The following NWD1 variants were observed in gnomAD, a reference collection of about 807,000 sequenced individuals.
NWD1 encodes NACHT and WD repeat domain containing 1, also known as NACHT domain- and WD repeat-containing protein 1.
In NWD1, 129 loss-of-function variants were observed where a neutral mutation model predicts 135.1. That is an observed-to-expected ratio of 0.96 (90% CI 0.83 to 1.11). The LOEUF is 1.11. Ranked by LOEUF, NWD1 falls within the 50% of genes least tolerant of loss-of-function variation. The pLI is 0.00. For synonymous variants in NWD1, 773 were observed against 786.0 expected (o/e 0.98, Z 0.28); for missense variants, 1,740 against 1,851.3 (o/e 0.94, Z 1.10).
rs1264725619 is a variant in NWD1 at position 16,776,525 on chromosome 19, T to C, written c.2609-2818T>C. Among the ~76,000 whole-genome samples, 2 of 149,950 alleles carry C rather than the reference T, an allele frequency of 1.3e-5. 1 individual carries two copies. The highest frequency in any genetic ancestry group is 3.0e-5 in the Non-Finnish European group (2 of 67,726). On this transcript the variant is annotated intron_variant, in intron 11 of 18. Coordinates refer to ENST00000524140, the MANE Select transcript of NWD1 (RefSeq NM_001007525.5). The stretch of plus-strand genomic sequence containing the variant: ...GGAGGTTGCAGTGAGCGGAGATCGT[T>C]CCACTGCACTCCAGCCTGGGCGAAA...
chr19:16,781,889 G>A (rs868632264), intron 12 of NWD1, among the ~76,000 whole-genome samples: 5 of 151,734 alleles, frequency 3.3e-5, no homozygotes, highest in African/African-American at 9.7e-5. Context: ...TCAGGAGATC[G>A]AGACCATCCT....
At chr19:16,785,156 A>G (rs955621873) in intron 12 of NWD1, among the ~76,000 whole-genome samples, 3 of 152,054 alleles carry the variant, frequency 2.0e-5, no homozygotes, top group South Asian at 2.1e-4. Flanking sequence ...GGAACTAGAT[A>G]GAGTGATGGT....
chr19:16,757,742 C>G (rs1219088043), intron 6 of NWD1, among the ~76,000 whole-genome samples: 7 of 152,142 alleles, frequency 4.6e-5, no homozygotes, highest in African/African-American at 1.4e-4. Flanking sequence ...CTCCTAGGCT[C>G]TGTCTGATAC....
Position 16,789,188 on chromosome 19 carries a change from A to G in NWD1, c.2938A>G (p.Lys980Glu), listed in dbSNP as rs1470150365. 2 of 1,611,728 alleles carry G rather than the reference A, an allele frequency of 1.2e-6. No individual in the cohort carries two copies. The highest frequency in any genetic ancestry group is 2.7e-5 in the African/African-American group (2 of 74,858). Residue 980 changes from lysine (K) to glutamate (E), a missense_variant and splice_region_variant, in exon 13 of 19, where the codon AAG becomes GAG. Physicochemically the swap from Lys to Glu is moderately conservative, Grantham distance 56. Coordinates refer to ENST00000524140, the MANE Select transcript of NWD1 (RefSeq NM_001007525.5). ...HKVVYSASGS[K>E]INAWNLETAE... ...AGTTGTGTATTCAGCATCTGGCTCA[A>G]AGGTAACAAACATATGCCCTGTTTG...
chr19:16,816,153 C>G lies in NWD1; in HGVS notation c.*1114C>G, dbSNP rs1310271936. On this transcript the variant is annotated 3_prime_UTR_variant, in exon 19 of 19. Transcript: ENST00000524140. ...CACCTGGGTGAGCAGCAGGGAGAGA[C>G]AGAGACTGGACATGTGGAAGGCAGA... 6.6e-6 allele frequency: 1 copy of G among 152,180 alleles called. No individual in the cohort carries two copies. Among genetic ancestry groups the G allele is most frequent in the Non-Finnish European group, 1.5e-5 (1 of 68,084 alleles). 9.4% of individuals were successfully genotyped at this position (152,180 alleles called of 1,614,324 possible).
intron 2 of NWD1, among the ~76,000 whole-genome samples, chr19:16,726,979 G>A (rs1246888446): frequency 6.6e-6 from 1 of 151,918 alleles, no homozygotes; most frequent in Non-Finnish European, 1.5e-5. Flanking sequence ...GTGCCTGGAC[G>A]TGGAAGGACT....
intron 4 of NWD1, among the ~76,000 whole-genome samples, chr19:16,742,706 T>C (rs1402192257): frequency 6.6e-6 from 1 of 151,930 alleles, no homozygotes; most frequent in African/African-American, 2.4e-5. Context: ...GTTTCGCTCT[T>C]GTTGCCCAGG....
At chr19:16,768,721 AAG>A in intron 10 of NWD1, among the ~76,000 whole-genome samples, 1 of 152,350 alleles carries the variant, frequency 6.6e-6, no homozygotes, top group African/African-American at 2.4e-5. Flanking sequence ...CATGTTAACA[AAG>A]AGCAATAAAT....
chr19:16,813,617 CG>C (rs1970989254), intron 18 of NWD1, among the ~76,000 whole-genome samples: 2 of 152,086 alleles, frequency 1.3e-5, no homozygotes, highest in South Asian at 2.1e-4. Context: ...GCTGGGATTA[CG>C]GGCGCCCACC....
Position 16,763,900 on chromosome 19 carries a change from C to T in NWD1, c.2206C>T (p.Leu736=). The T allele has an allele frequency of 6.2e-7, 1 of 1,613,962 alleles. No individual in the cohort carries two copies. Among genetic ancestry groups the T allele is most frequent in the Non-Finnish European group, 8.5e-7 (1 of 1,179,878 alleles). Residue 736 remains leucine, a synonymous_variant, in exon 9 of 19, where the codon CTG becomes TTG. Transcript: ENST00000524140. ...GAAGCTGAAGGAGTTGCCCTATCAC[C>T]TGCTTCACTCGGGCCGCCTGGAGGA... ...LRKLKELPYH[L]LHSGRLEELK...
At chr19:16,800,747 AATCC>A (rs1970580168) in intron 17 of NWD1, among the ~76,000 whole-genome samples, 1 of 152,096 alleles carries the variant, frequency 6.6e-6, no homozygotes, top group Non-Finnish European at 1.5e-5. Context: ...TAAGGGCACT[AATCC>A]TATTCAGGAA....
chr19:16,774,487 C>T (rs1476989869), intron 11 of NWD1, among the ~76,000 whole-genome samples: 1 of 151,672 alleles, frequency 6.6e-6, no homozygotes, highest in Non-Finnish European at 1.5e-5. Context: ...ATCCACCCAT[C>T]CATCCATCTA....
intron 4 of NWD1, among the ~76,000 whole-genome samples, chr19:16,742,046 G>A (rs146279608): frequency 2.0e-5 from 3 of 151,282 alleles, no homozygotes; most frequent in East Asian, 2.0e-4. Flanking sequence ...ACCACTGCAC[G>A]CCAGCCTGGG....
intron 4 of NWD1, among the ~76,000 whole-genome samples, chr19:16,740,768 G>A (rs888411535): frequency 1.3e-5 from 2 of 151,576 alleles, no homozygotes; most frequent in Non-Finnish European, 2.9e-5. Flanking sequence ...CACCGCACTG[G>A]CCCAGGTTAA....
chr19:16,762,253 T>A, intron 8 of NWD1, 115 bp downstream of exon 8: 1 of 886,690 alleles, frequency 1.1e-6, no homozygotes, highest in Non-Finnish European at 1.7e-6. Flanking sequence ...ACTTCTCCTT[T>A]CCGCACAGAG....
chr19:16,751,863 GAAGGA>G (rs1968595085), intron 6 of NWD1, among the ~76,000 whole-genome samples: 1 of 134,902 alleles, frequency 7.4e-6, no homozygotes, highest in African/African-American at 3.5e-5. Context: ...GAAAAAAAAA[GAAGGA>G]AAGAAGAGAT....
At chr19:16,735,829 AGAAGGAAG>A (rs1240567591) in intron 3 of NWD1, among the ~76,000 whole-genome samples, 105 of 56,978 alleles carry the variant, frequency 1.8e-3, no homozygotes, top group Middle Eastern at 7.9e-3. Flanking sequence ...AAGGAAGGAA[AGAAGGAAG>A]GAAGGAAGGA....
chr19:16,813,378 C>T (rs1454523861), intron 18 of NWD1, among the ~76,000 whole-genome samples: 1 of 152,052 alleles, frequency 6.6e-6, no homozygotes, highest in South Asian at 2.1e-4. Context: ...TAGTTTATTC[C>T]CTAGAATTGC....
chr19:16,732,155 T>C (rs1967595330), intron 3 of NWD1, among the ~76,000 whole-genome samples: 1 of 148,574 alleles, frequency 6.7e-6, no homozygotes, highest in South Asian at 2.1e-4. Flanking sequence ...AAGCAGAGAT[T>C]GCAGTGAGCT....
Sources: gnomAD v4.1 joint callset for allele counts (sites outside exome capture counted in the v4.1 genomes callset) on GRCh38, gnomAD v4.1.1 for gene constraint, MANE v1.5 for transcripts, NCBI Gene and HGNC (gene_info 2026-07-23, HGNC 2026-07-21) for gene names.